ZNF33A: variants seen among roughly 807,000 people sequenced by gnomAD.
The protein encoded by ZNF33A is brain my041 protein.
ZNF33A carries 9 observed loss-of-function variants against 15.9 expected under a neutral mutation model. The ratio of observed to expected loss-of-function variants is 0.57; its 90% CI spans 0.34 to 0.99. The LOEUF (loss-of-function observed/expected upper bound fraction) is 0.99. ZNF33A is among the 50% of genes least tolerant of loss of function. ZNF33A has a pLI of 0.02. For missense variants in ZNF33A, 843 were observed against 941.6 expected, an observed-to-expected ratio of 0.90 and a Z score of 1.37; for synonymous variants, 294 against 324.2, an observed-to-expected ratio of 0.91 and a Z score of 1.00.
chr10:38,022,984 C>G (rs1393704920), intron 4 of ZNF33A, among the ~76,000 whole-genome samples: 1 of 152,084 alleles, frequency 6.6e-6, no homozygotes, highest in African/African-American at 2.4e-5. Flanking sequence ...CTTGCTCAGT[C>G]ACCCAGGCTG....
Position 38,042,544 on chromosome 10 carries a change from C to G in ZNF33A, c.251-11831C>G, listed in dbSNP as rs2135701645. Among the ~76,000 whole-genome samples the G allele has an allele frequency of 2.7e-5, 3 of 112,988 alleles. No individual in the cohort carries two copies. In the Admixed American group the frequency reaches 2.7e-4, roughly 10 times the overall value. 74.1% of individuals were successfully genotyped at this position (112,988 alleles called of 152,430 possible). A position where few individuals can be genotyped will look rare whatever the true frequency, so the allele number is the denominator to read the frequency against. ...CTTTGTTATTTGTTTCCTTGTTTAT[C>G]AATGTATTTATTTATTTTTTTTTTG... On this transcript the variant is annotated intron_variant, in intron 4 of 4. Coordinates refer to ENST00000432900, the MANE Select transcript of ZNF33A (RefSeq NM_006954.2).
chr10:38,017,585 T>A (rs1044064347), intron 4 of ZNF33A, 199 bp downstream of exon 4: 14 of 412,164 alleles, frequency 3.4e-5, no homozygotes, highest in Admixed American at 7.7e-5. Context: ...TTTGAATCGT[T>A]TTTTGAATGT....
At chr10:38,028,346 A>G (rs2065068532) in intron 4 of ZNF33A, among the ~76,000 whole-genome samples, 1 of 152,138 alleles carries the variant, frequency 6.6e-6, no homozygotes, top group Admixed American at 6.5e-5. Flanking sequence ...CATTCAATCA[A>G]TTATCATTTA....
At chr10:38,024,175 A>AAG (rs1554902730) in intron 4 of ZNF33A, among the ~76,000 whole-genome samples, 32 of 144,732 alleles carry the variant, frequency 2.2e-4, no homozygotes, top group Admixed American at 6.4e-4. Flanking sequence ...AAAAAAAAAA[A>AAG]AAAAAAGAAA....
intron 4 of ZNF33A, among the ~76,000 whole-genome samples, chr10:38,046,119 C>T (rs1389127715): frequency 6.6e-6 from 1 of 152,138 alleles, no homozygotes. Context: ...GAAGCTGGCT[C>T]AAGGCCTTTT....
chr10:38,055,906 A>C lies in ZNF33A; in HGVS notation c.1782A>C (p.Ser594=), dbSNP rs748859523. ...HECGKIFYNK[S]YLTKHNRTHT... ...GTGGAAAAATCTTTTACAATAAATC[A>C]TACCTAACTAAACATAATAGAACAC... is the stretch of plus-strand genomic sequence containing the variant. Residue 594 remains serine, a synonymous_variant, in exon 5 of 5, where the codon TCA becomes TCC. Coordinates refer to ENST00000432900, the MANE Select transcript of ZNF33A (RefSeq NM_006954.2). 2 of 1,614,068 alleles carry C rather than the reference A, an allele frequency of 1.2e-6. No individual in the cohort carries two copies. Among genetic ancestry groups the C allele is most frequent in the Non-Finnish European group, 1.7e-6 (2 of 1,179,992 alleles).
In ZNF33A at chr10:38,034,325, G is replaced by A. The variant is rs188359192; in HGVS notation, c.250+16939G>A. 8.5e-5 allele frequency among the ~76,000 whole-genome samples: 13 copies of A among 152,228 alleles called. No individual in the cohort carries two copies. In the East Asian group the frequency reaches 2.1e-3, roughly 25 times the overall value. On this transcript the variant is annotated intron_variant, in intron 4 of 4. Coordinates refer to ENST00000432900, the MANE Select transcript of ZNF33A (RefSeq NM_006954.2). Reference sequence around the variant, plus strand: ...TACATTTAGTTGTCATGTCTCTTTAGGCTCCTCTTGGCTATGGTGGTTTCC... The same window carrying A: ...TACATTTAGTTGTCATGTCTCTTTAAGCTCCTCTTGGCTATGGTGGTTTCC...
At chr10:38,017,746 A>C in intron 4 of ZNF33A, 1 of 182,258 alleles carries the variant, frequency 5.5e-6, no homozygotes, top group Non-Finnish European at 1.2e-5. Flanking sequence ...TTTTTTATAC[A>C]CTCATTTTTA....
rs1402162958 is a variant in ZNF33A at position 38,051,689 on chromosome 10, T to A, written c.251-2686T>A. ...TAAATTTGTTATTATATATTACGAT[T>A]ATACCTATTACATTTTACAAGTAAT... On this transcript the variant is annotated intron_variant, in intron 4 of 4. Coordinates refer to ENST00000432900, the MANE Select transcript of ZNF33A (RefSeq NM_006954.2). 4.6e-5 allele frequency among the ~76,000 whole-genome samples: 7 copies of A among 152,140 alleles called. No individual in the cohort carries two copies. The East Asian group carries it at 1.4e-3, about 29-fold the overall frequency.
chr10:38,032,121 A>G (rs2065239290), intron 4 of ZNF33A, among the ~76,000 whole-genome samples: 1 of 152,072 alleles, frequency 6.6e-6, no homozygotes, highest in African/African-American at 2.4e-5. Flanking sequence ...TACACAGACA[A>G]TAAAAAAAAA....
At chr10:38,060,161 C>T (rs2066638167), downstream of ZNF33A, 4 of 849,988 alleles carry the variant, frequency 4.7e-6, no homozygotes, top group South Asian at 2.1e-4. Context: ...TGCTTTTGTA[C>T]ATCCTTAATA....
downstream of ZNF33A, among the ~76,000 whole-genome samples, chr10:38,061,239 C>G (rs1296386311): frequency 6.6e-6 from 1 of 152,072 alleles, no homozygotes; most frequent in Non-Finnish European, 1.5e-5. Flanking sequence ...ACTCCAGTTG[C>G]CTAACAAGGC....
In ZNF33A at chr10:38,057,390, C is replaced by A; in HGVS notation, c.*830C>A. 3 of 985,372 alleles carry A rather than the reference C, an allele frequency of 3.0e-6. No individual in the cohort carries two copies. The highest frequency in any genetic ancestry group is 3.6e-6 in the Non-Finnish European group (3 of 829,926). 61.0% of individuals were successfully genotyped at this position (985,372 alleles called of 1,614,324 possible). A position where few individuals can be genotyped will look rare whatever the true frequency, so the allele number is the denominator to read the frequency against. ...ATCAGGGCAATAGCATTAAGCACAT[C>A]TGCGAATTATCCCTGAAGTTCAAAA... On this transcript the variant is annotated 3_prime_UTR_variant, in exon 5 of 5. Transcript: ENST00000432900.
At chr10:38,028,279 TAAATA>T (rs952037725) in intron 4 of ZNF33A, among the ~76,000 whole-genome samples, 61 of 151,748 alleles carry the variant, frequency 4.0e-4, no homozygotes, top group Admixed American at 3.3e-4. Flanking sequence ...AATAAATAAA[TAAATA>T]AAATAAAATA....
At chr10:38,052,655 C>A (rs1417161794) in intron 4 of ZNF33A, among the ~76,000 whole-genome samples, 1 of 152,146 alleles carries the variant, frequency 6.6e-6, no homozygotes, top group East Asian at 1.9e-4. Flanking sequence ...AGTTACTCTA[C>A]TTCTAGAGTA....
chr10:38,012,186 C>T (rs1358264996), intron 1 of ZNF33A, 112 bp from the exon 2 acceptor site: 2 of 1,041,532 alleles, frequency 1.9e-6, no homozygotes, highest in Non-Finnish European at 1.4e-6. Context: ...GATACTCTCC[C>T]AGAGGAAGCA....
At chr10:38,038,289 A>G (rs1175348930) in intron 4 of ZNF33A, among the ~76,000 whole-genome samples, 2 of 152,094 alleles carry the variant, frequency 1.3e-5, no homozygotes, top group Non-Finnish European at 2.9e-5. Context: ...TTTAGTATAG[A>G]TGAGGTTTCA....
chr10:38,053,770 A>C (rs1751719858), intron 4 of ZNF33A, among the ~76,000 whole-genome samples: 2 of 152,002 alleles, frequency 1.3e-5, no homozygotes, highest in Admixed American at 6.6e-5. Context: ...ATCTACGTGA[A>C]CTCAGACATC....
At chr10:38,037,156 AG>A (rs1374821839) in intron 4 of ZNF33A, among the ~76,000 whole-genome samples, 1 of 152,094 alleles carries the variant, frequency 6.6e-6, no homozygotes, top group Non-Finnish European at 1.5e-5. Flanking sequence ...ATCTATCCCC[AG>A]GGCATGAAGA....
Sources: allele counts gnomAD v4.1 joint callset (sites outside exome capture counted in the v4.1 genomes callset), GRCh38; gene constraint gnomAD v4.1.1; transcripts MANE v1.5; gene names NCBI Gene and HGNC (gene_info 2026-07-23, HGNC 2026-07-21).